The following OSGEP variants were observed in gnomAD, a reference collection of about 807,000 sequenced individuals.
The protein encoded by OSGEP is tRNA N6-adenosine threonylcarbamoyltransferase.
Under a neutral mutation model 44.1 loss-of-function variants are expected in OSGEP, and 39 were observed. The ratio of observed to expected loss-of-function variants is 0.88; its 90% CI spans 0.69 to 1.16. The LOEUF (loss-of-function observed/expected upper bound fraction) is 1.16, where lower values mean the gene tolerates loss of function less well. Ranked by LOEUF, OSGEP falls within the 50% of genes most tolerant of loss-of-function variation. The pLI is 0.00. For missense variants in OSGEP, 403 were observed against 443.1 expected, an observed-to-expected ratio of 0.91 and a Z score of 0.81; for synonymous variants, 139 against 161.9, an observed-to-expected ratio of 0.86 and a Z score of 1.07.
chr14:20,454,723 A>T lies in OSGEP; in HGVS notation c.-40T>A. ...GAAAACGCCGACAGGACTCCTGGCA[A>T]TGTCAGGAGCTGTGGAGGTCCTCAC... is the stretch of plus-strand genomic sequence containing the variant. On this transcript the variant is annotated 5_prime_UTR_variant, in exon 1 of 11. The change creates a new upstream start codon in the 5' untranslated region. Coordinates refer to ENST00000206542, the MANE Select transcript of OSGEP (RefSeq NM_017807.4). 4 of 1,462,096 alleles carry T rather than the reference A, an allele frequency of 2.7e-6. No homozygotes were observed. The highest frequency in any genetic ancestry group is 3.8e-6 in the Non-Finnish European group (4 of 1,043,878). The allele number at this position is 1,462,096 out of a possible 1,614,324, so 90.6% of individuals were successfully genotyped here.
In OSGEP at chr14:20,454,773, C is replaced by T. The variant is rs1566511269; in HGVS notation, c.-90G>A. ...CTAGTCCGCGCTGGGCCGCAGCTTT[C>T]CGGAGCGCAGAGGAAGCTGGCCAGC... On this transcript the variant is annotated 5_prime_UTR_variant, in exon 1 of 11. Transcript: ENST00000206542. 4 of 955,426 alleles carry T rather than the reference C, an allele frequency of 4.2e-6. No homozygotes were observed. The East Asian group carries it at 7.7e-5, about 18-fold the overall frequency. 59.2% of individuals were successfully genotyped at this position (955,426 alleles called of 1,614,324 possible).
At chr14:20,449,539 G>C (rs1881041694) in intron 3 of OSGEP, 2 of 388,376 alleles carry the variant, frequency 5.1e-6, no homozygotes, top group African/African-American at 4.1e-5. Flanking sequence ...TTCCGGCTTA[G>C]AAGTTCCTAA....
At chr14:20,449,401 A>C in intron 3 of OSGEP, 135 bp from the exon 4 acceptor site, 1 of 656,156 alleles carries the variant, frequency 1.5e-6, no homozygotes, top group Non-Finnish European at 2.8e-6. Flanking sequence ...TGTTTCCCAA[A>C]TGGTGAATGG....
chr14:20,448,863 C>T, intron 5 of OSGEP, 52 bp from the exon 6 acceptor site: 2 of 1,589,686 alleles, frequency 1.3e-6, no homozygotes, highest in Non-Finnish European at 1.7e-6. Context: ...GCTGGCTTCT[C>T]ACCCTCCAAA....
intron 3 of OSGEP, chr14:20,449,621 T>C (rs1337184152): frequency 3.8e-6 from 1 of 260,288 alleles, no homozygotes; most frequent in Non-Finnish European, 7.5e-6. Context: ...CATGAATCCT[T>C]CTAAATTATG....
rs762309632 is a variant in OSGEP, at chr14:20,452,049, G to C, written c.336C>G (p.Gly112=). The part of the protein sequence containing the change: ...KPLVGVNHCI[G]HIEMGRLITG... Reference sequence around the variant, plus strand: ...TGATGAGGCGGCCCATCTCAATGTGGCCTATACAGTGGTTCACACCCACCA... The same window carrying C: ...TGATGAGGCGGCCCATCTCAATGTGCCCTATACAGTGGTTCACACCCACCA... The change falls in exon 3 of 11, where the codon GGC becomes GGG. Residue 112 remains glycine, a synonymous_variant. Transcript: ENST00000206542. The C allele has an allele frequency of 6.2e-7, 1 of 1,613,766 alleles. No individual in the cohort carries two copies. The highest frequency in any genetic ancestry group is 1.3e-5 in the African/African-American group (1 of 74,920).
In OSGEP at chr14:20,453,523, C is replaced by G. The variant is rs960071883; in HGVS notation, c.115+1046G>C. Among the ~76,000 whole-genome samples, 3 of 152,192 alleles carry G rather than the reference C, an allele frequency of 2.0e-5. No individual in the cohort carries two copies. The East Asian group carries it at 5.8e-4, about 30-fold the overall frequency. On this transcript the variant is annotated intron_variant, in intron 1 of 10. Transcript: ENST00000206542. ...CTGGGTTTACAGGCATGCGCCACCA[C>G]GCCCAGTTAATTTTTTGTATTTTTT...
rs36219434 is a variant in OSGEP, at chr14:20,454,737, G to A, written c.-54C>T. 1,597 of 1,358,548 alleles carry A rather than the reference G, an allele frequency of 1.2e-3. 17 individuals are homozygous for A. In the African/African-American group the frequency reaches 0.021, roughly 18 times the overall value. The allele number at this position is 1,358,548 out of a possible 1,614,324, so 84.2% of individuals were successfully genotyped here. On this transcript the variant is annotated 5_prime_UTR_variant, in exon 1 of 11. Coordinates refer to ENST00000206542, the MANE Select transcript of OSGEP (RefSeq NM_017807.4). ...GACTCCTGGCAATGTCAGGAGCTGT[G>A]GAGGTCCTCACTAGTCCGCGCTGGG... is the stretch of plus-strand genomic sequence containing the variant.
rs546953145 is a variant in OSGEP, at chr14:20,447,636, C to T, written c.848G>A (p.Arg283Gln). The stretch of plus-strand genomic sequence containing the variant: ...TTACCTCTCATCTGTAGCAAAAAGC[C>T]GGGCTCCACGTTCCTGGCACATTGT... ...MATMCQERGA[R>Q]LFATDERFCI... Residue 283 changes from arginine (R) to glutamine (Q), a missense_variant, in exon 9 of 11, where the codon CGG (arginine) becomes CAG (glutamine). Physicochemically the swap from Arg to Gln is conservative, Grantham distance 43 (BLOSUM62 1). Coordinates refer to ENST00000206542, the MANE Select transcript of OSGEP (RefSeq NM_017807.4). The T allele has an allele frequency of 5.0e-6, 8 of 1,613,916 alleles. No individual in the cohort carries two copies. The highest frequency in any genetic ancestry group is 1.7e-5 in the Admixed American group (1 of 60,006).
chr14:20,452,512 A>G (rs1881129480), intron 1 of OSGEP, 64 bp from the exon 2 acceptor site: 1 of 1,550,224 alleles, frequency 6.5e-7, no homozygotes, highest in East Asian at 2.2e-5. Flanking sequence ...GTAGGAAGTT[A>G]AAGAAAGCAA....
intron 3 of OSGEP, 183 bp from the exon 4 acceptor site, chr14:20,449,449 T>C: frequency 3.5e-6 from 2 of 578,808 alleles, no homozygotes; most frequent in Non-Finnish European, 3.1e-6. Context: ...GAAATCTGTA[T>C]ACCCTGAGGA....
chr14:20,449,554 T>C (rs1237701754), intron 3 of OSGEP: 2 of 354,298 alleles, frequency 5.6e-6, no homozygotes, highest in Non-Finnish European at 1.1e-5. Context: ...TCCTAATATA[T>C]CCCTTAAATG....
At chr14:20,453,589 G>A (rs546581386) in intron 1 of OSGEP, among the ~76,000 whole-genome samples, 1 of 152,090 alleles carries the variant, frequency 6.6e-6, no homozygotes, top group Non-Finnish European at 1.5e-5. Context: ...GGCTGGTCTC[G>A]AACCCCGACC....
At chr14:20,452,708 C>CTTTTT (rs59935464) in intron 1 of OSGEP, among the ~76,000 whole-genome samples, 7 of 135,316 alleles carry the variant, frequency 5.2e-5, no homozygotes, top group Non-Finnish European at 8.1e-5. Flanking sequence ...CTTTCGTGAT[C>CTTTTT]TTTTTTTTTT....
Position 20,447,510 on chromosome 14 carries a change from C to T in OSGEP, c.880G>A (p.Asp294Asn). ...LFATDERFCI[D>N]NGAMIAQAGW... ...GCCTGGGCTATCATCGCTCCATTGT[C>T]AATACAGAATCTGGGATGCAAGAGA... The change falls in exon 10 of 11, where the codon GAC becomes AAC. Residue 294 changes from aspartate (D) to asparagine (N), a missense_variant. By Grantham distance (23) the Asp-to-Asn change is conservative (BLOSUM62 1). Coordinates refer to ENST00000206542, the MANE Select transcript of OSGEP (RefSeq NM_017807.4). 1 of 1,614,048 alleles carries T rather than the reference C, an allele frequency of 6.2e-7. No individual in the cohort carries two copies. Among genetic ancestry groups the T allele is most frequent in the Non-Finnish European group, 8.5e-7 (1 of 1,179,958 alleles).
intron 1 of OSGEP, among the ~76,000 whole-genome samples, chr14:20,452,818 C>G (rs896334862): frequency 6.6e-6 from 1 of 151,390 alleles, no homozygotes; most frequent in African/African-American, 2.4e-5. Flanking sequence ...TCAAGAGATT[C>G]TTCTGCCTCA....
At chr14:20,447,301 A>G (rs1288499905) in intron 10 of OSGEP, 22 bp from the exon 11 acceptor site, 13 of 1,613,950 alleles carry the variant, frequency 8.1e-6, no homozygotes, top group South Asian at 1.1e-5. Context: ...CAGAAGAAAC[A>G]TGGTGGAGAG....
Position 20,454,496 on chromosome 14 carries a change from T to TCATC in OSGEP, c.115+72_115+73insGATG, listed in dbSNP as rs751341563. The TCATC allele has an allele frequency of 3.0e-6, 3 of 1,007,100 alleles. No individual in the cohort carries two copies. In the South Asian group the frequency reaches 3.8e-5, roughly 13 times the overall value. 62.4% of individuals were successfully genotyped at this position (1,007,100 alleles called of 1,614,324 possible). A position where few individuals can be genotyped will look rare whatever the true frequency, so the allele number is the denominator to read the frequency against. On this transcript the variant is annotated intron_variant, in intron 1 of 10. Transcript: ENST00000206542. ...CGGATCGAAAGCTGCACCTCACTAGTATTTAGGAAGATGGAAGGCTGATTC... is the reference window on the plus strand; with the variant it reads ...CGGATCGAAAGCTGCACCTCACTAGTCATCATTTAGGAAGATGGAAGGCTGATTC...
intron 1 of OSGEP, 23 bp downstream of exon 1, chr14:20,454,546 T>G (rs1881211604): frequency 4.6e-6 from 7 of 1,536,106 alleles, no homozygotes; most frequent in Non-Finnish European, 6.3e-6. Flanking sequence ...CGCGGAAAAC[T>G]CTTAAGTCCC....
Sources: allele counts gnomAD v4.1 joint callset (sites outside exome capture counted in the v4.1 genomes callset), GRCh38; gene constraint gnomAD v4.1.1; transcripts MANE v1.5; gene names NCBI Gene and HGNC (gene_info 2026-07-23, HGNC 2026-07-21).